Variants in NELL1 observed in about 807,000 individuals in gnomAD.
NELL1 encodes protein kinase C-binding protein NELL1.
NELL1 carries 76 observed loss-of-function variants against 107.4 expected under a neutral mutation model. The ratio of observed to expected loss-of-function variants is 0.71; its 90% CI spans 0.59 to 0.86. The LOEUF is 0.86. Ranked by LOEUF, NELL1 falls within the 40% of genes least tolerant of loss-of-function variation. NELL1 has a pLI of 0.00. For synonymous variants in NELL1, 353 were observed against 341.2 expected, an observed-to-expected ratio of 1.03 and a Z score of -0.38; for missense variants, 1,024 against 1,005.5, an observed-to-expected ratio of 1.02 and a Z score of -0.25.
intron 14 of NELL1, among the ~76,000 whole-genome samples, chr11:21,249,597 T>C (rs1420362042): frequency 6.6e-6 from 1 of 152,146 alleles, no homozygotes; most frequent in African/African-American, 2.4e-5. Flanking sequence ...TTTTGAAAAC[T>C]TAAAAGTGCA....
At chr11:21,569,952 C>T (rs1258044533) in intron 17 of NELL1, among the ~76,000 whole-genome samples, 1 of 151,690 alleles carries the variant, frequency 6.6e-6, no homozygotes, top group Non-Finnish European at 1.5e-5. Context: ...ACAGGTCTTA[C>T]CTTAAATTTT....
At chr11:21,378,025 A>T (rs1401649518) in intron 15 of NELL1, among the ~76,000 whole-genome samples, 1 of 151,992 alleles carries the variant, frequency 6.6e-6, no homozygotes, top group African/African-American at 2.4e-5. Flanking sequence ...AATTAGCAGT[A>T]CACCTCCAGC....
At chr11:21,000,265 T>TAA (rs11376900) in intron 12 of NELL1, among the ~76,000 whole-genome samples, 53 of 146,952 alleles carry the variant, frequency 3.6e-4, no homozygotes, top group South Asian at 3.0e-3. Context: ...TAAAGTATAA[T>TAA]AAAAAAAAAA....
chr11:20,973,467 G>A (rs1201649772), intron 12 of NELL1, among the ~76,000 whole-genome samples: 5 of 152,146 alleles, frequency 3.3e-5, no homozygotes, highest in Non-Finnish European at 7.3e-5. Flanking sequence ...GGCCAGAGCT[G>A]TTTCTGATTC....
At chr11:21,312,008 C>T (rs1849759911) in intron 14 of NELL1, among the ~76,000 whole-genome samples, 1 of 152,122 alleles carries the variant, frequency 6.6e-6, no homozygotes, top group South Asian at 2.1e-4. Flanking sequence ...CATGCAAGGA[C>T]ACATCAAGAA....
At chr11:20,696,362 G>C (rs1854617143) in intron 2 of NELL1, among the ~76,000 whole-genome samples, 1 of 151,958 alleles carries the variant, frequency 6.6e-6, no homozygotes, top group Non-Finnish European at 1.5e-5. Flanking sequence ...AAAACACTAG[G>C]TTTGGGGTCA....
At chr11:21,234,114 G>C (rs1381417145) in intron 14 of NELL1, among the ~76,000 whole-genome samples, 2 of 152,196 alleles carry the variant, frequency 1.3e-5, no homozygotes, top group Non-Finnish European at 2.9e-5. Context: ...TAAAGCATAT[G>C]CATTAGTTAG....
At chr11:21,033,267 A>T (rs115427233) in intron 12 of NELL1, among the ~76,000 whole-genome samples, 1 of 152,070 alleles carries the variant, frequency 6.6e-6, no homozygotes, top group Admixed American at 6.5e-5. Flanking sequence ...AATCTGGAAA[A>T]TTTTCAGCTA....
intron 15 of NELL1, among the ~76,000 whole-genome samples, chr11:21,437,896 G>T (rs1375290024): frequency 6.6e-6 from 1 of 152,146 alleles, no homozygotes; most frequent in Admixed American, 6.5e-5. Context: ...TGCATTCAAG[G>T]TTGTTAGTGA....
chr11:21,483,868 AAC>A (rs143240125), intron 15 of NELL1, among the ~76,000 whole-genome samples: 93,647 of 138,180 alleles, frequency 0.68, 33,313 homozygotes, highest in South Asian at 0.83. Context: ...TACATATACA[AAC>A]ACACACACAC....
intron 13 of NELL1, among the ~76,000 whole-genome samples, chr11:21,218,301 T>C (rs1857666890): frequency 6.6e-6 from 1 of 152,156 alleles, no homozygotes. Context: ...CTGCCTGAAC[T>C]ATTAGCTGTA....
chr11:20,775,485 CT>C (rs5790141), intron 2 of NELL1, among the ~76,000 whole-genome samples: 150,509 of 152,238 alleles, frequency 0.99, 74,426 homozygotes, highest in East Asian at 1. Flanking sequence ...TTTCACCACT[CT>C]TTTTGCTTTT....
intron 10 of NELL1, among the ~76,000 whole-genome samples, chr11:20,941,468 A>G (rs1198380540): frequency 2.0e-5 from 3 of 152,252 alleles, no homozygotes; most frequent in East Asian, 3.9e-4. Context: ...CTTTTCCCCC[A>G]TTGGGTTCCA....
At chr11:21,135,265 GA>G (rs1182096688) in intron 13 of NELL1, among the ~76,000 whole-genome samples, 49 of 152,118 alleles carry the variant, frequency 3.2e-4, no homozygotes, top group Admixed American at 2.0e-4. Flanking sequence ...TTTTAGGAAG[GA>G]AAAAATATAT....
intron 2 of NELL1, among the ~76,000 whole-genome samples, chr11:20,686,031 A>G (rs1043432873): frequency 2.0e-5 from 3 of 152,088 alleles, no homozygotes; most frequent in Non-Finnish European, 4.4e-5. Context: ...AAAAAGACTG[A>G]TAAGAATTCA....
At chr11:21,284,477 C>A in intron 14 of NELL1, 1 of 459,110 alleles carries the variant, frequency 2.2e-6, no homozygotes, top group South Asian at 1.5e-5. Context: ...GGGAGATGGT[C>A]TCTTCCTCCA....
intron 15 of NELL1, among the ~76,000 whole-genome samples, chr11:21,491,978 C>T (rs1854831737): frequency 6.6e-6 from 1 of 151,936 alleles, no homozygotes; most frequent in South Asian, 2.1e-4. Flanking sequence ...TGGGAGTTCA[C>T]TTTCGCAACC....
chr11:21,091,031 G>T (rs1459477964), intron 12 of NELL1, among the ~76,000 whole-genome samples: 1 of 152,170 alleles, frequency 6.6e-6, no homozygotes, highest in Non-Finnish European at 1.5e-5. Flanking sequence ...GTAGATTAAA[G>T]ATGATGAATA....
chr11:20,750,012 C>T (rs749624880), intron 2 of NELL1, among the ~76,000 whole-genome samples: 6 of 152,008 alleles, frequency 3.9e-5, no homozygotes, highest in African/African-American at 7.3e-5. Flanking sequence ...TATAAGAAAC[C>T]GCCAACGAGT....
Sources: gnomAD v4.1 joint callset for allele counts (sites outside exome capture counted in the v4.1 genomes callset) on GRCh38, gnomAD v4.1.1 for gene constraint, MANE v1.5 for transcripts, NCBI Gene and HGNC (gene_info 2026-07-23, HGNC 2026-07-21) for gene names.